Variants in GTF3C3 observed in about 807,000 individuals in gnomAD.
GTF3C3 encodes general transcription factor 3C polypeptide 3.
Under a neutral mutation model 105.2 loss-of-function variants are expected in GTF3C3, and 75 were observed. That is an observed-to-expected ratio of 0.71 (90% confidence interval 0.59 to 0.86). The LOEUF is 0.86. Among genes scored for constraint, GTF3C3 ranks in the 40% least tolerant of loss-of-function variants. The pLI is 0.00. For missense variants in GTF3C3, 856 were observed against 1,076.5 expected (o/e 0.80, Z 2.87); for synonymous variants, 335 against 370.4 (o/e 0.90, Z 1.10).
intron 8 of GTF3C3, among the ~76,000 whole-genome samples, chr2:196,783,803 G>A (rs1423270491): frequency 6.6e-6 from 1 of 152,094 alleles, no homozygotes; most frequent in Non-Finnish European, 1.5e-5. Flanking sequence ...AAAACTGTAT[G>A]CACCTCATTT....
At chr2:196,798,429 TAGG>T (rs2125753919) in intron 1 of GTF3C3, among the ~76,000 whole-genome samples, 1 of 151,610 alleles carries the variant, frequency 6.6e-6, no homozygotes, top group East Asian at 1.9e-4. Flanking sequence ...GAGGCTGAGG[TAGG>T]AGGACTGCTT....
Position 196,791,308 on chromosome 2 carries a change from A to G in GTF3C3, c.535+29T>C, listed in dbSNP as rs370031799. On this transcript the variant is annotated intron_variant, in intron 4 of 17. Coordinates refer to ENST00000263956, the MANE Select transcript of GTF3C3 (RefSeq NM_012086.5). ...TTTTAAGTCAGACTATTAAACTGCT[A>G]TTATTAACAAAGTCCCCACAGAAAA... 1.3e-5 allele frequency: 21 copies of G among 1,611,662 alleles called. No individual in the cohort carries two copies. In the Admixed American group the frequency reaches 3.0e-4, roughly 23 times the overall value.
In GTF3C3 at chr2:196,784,849, A is replaced by G. The variant is rs571471789; in HGVS notation, c.1114+8T>C. 2 of 1,603,854 alleles carry G rather than the reference A, an allele frequency of 1.2e-6. No homozygotes were observed. Among genetic ancestry groups the G allele is most frequent in the Admixed American group, 1.7e-5 (1 of 57,938 alleles). On this transcript the variant is annotated splice_region_variant and intron_variant, in intron 8 of 17. Transcript: ENST00000263956. ...ATATACACTTTCCTAAGCAGAGGAA[A>G]CTACAACCTTTATTCTCTTCTGAGG...
Position 196,764,768 on chromosome 2 carries a change from G to A in GTF3C3, c.2539-83C>T, listed in dbSNP as rs1411237777. ...TTATGGCAAATTAATAGTTTTATAAGTGTAAGTAAGTTTTCAAAAGGTATT... is the reference window on the plus strand; with the variant it reads ...TTATGGCAAATTAATAGTTTTATAAATGTAAGTAAGTTTTCAAAAGGTATT... On this transcript the variant is annotated intron_variant, in intron 17 of 17. Coordinates refer to ENST00000263956, the MANE Select transcript of GTF3C3 (RefSeq NM_012086.5). The A allele has an allele frequency of 8.8e-6, 11 of 1,242,974 alleles. No homozygotes were observed. The East Asian group carries it at 2.1e-4, about 24-fold the overall frequency. The allele number at this position is 1,242,974 out of a possible 1,614,324, so 77.0% of individuals were successfully genotyped here.
At chr2:196,795,412 T>C (rs114123252) in intron 2 of GTF3C3, among the ~76,000 whole-genome samples, 371 of 152,336 alleles carry the variant, frequency 2.4e-3, no homozygotes, top group African/African-American at 8.2e-3. Flanking sequence ...TAATGAAGAA[T>C]AGATTTTAAA....
intron 8 of GTF3C3, 32 bp downstream of exon 8, chr2:196,784,825 T>C (rs748921850): frequency 1.3e-6 from 2 of 1,586,200 alleles, no homozygotes; most frequent in Non-Finnish European, 1.7e-6. Flanking sequence ...GAGAGGATTA[T>C]ATACACTTTC....
At chr2:196,770,260 T>C (rs1699148888) in intron 15 of GTF3C3, among the ~76,000 whole-genome samples, 1 of 152,228 alleles carries the variant, frequency 6.6e-6, no homozygotes, top group Admixed American at 6.5e-5. Flanking sequence ...TATGAGGAAC[T>C]AAATTAACTT....
chr2:196,783,115 G>C (rs1699394255), intron 8 of GTF3C3, among the ~76,000 whole-genome samples: 1 of 151,972 alleles, frequency 6.6e-6, no homozygotes, highest in African/African-American at 2.4e-5. Flanking sequence ...CTAGTCTTCT[G>C]GACATATCTT....
chr2:196,777,446 C>A (rs1016753269), intron 10 of GTF3C3, among the ~76,000 whole-genome samples: 1 of 152,158 alleles, frequency 6.6e-6, no homozygotes, highest in Non-Finnish European at 1.5e-5. Flanking sequence ...TCAATACATG[C>A]GATCATTTGA....
intron 3 of GTF3C3, 136 bp downstream of exon 3, chr2:196,792,820 T>G: frequency 1.5e-6 from 1 of 659,478 alleles, no homozygotes; most frequent in South Asian, 2.0e-5. Context: ...GGAAACATAA[T>G]AAACAAATAA....
At chr2:196,765,343 T>G (rs796311342) in intron 17 of GTF3C3, among the ~76,000 whole-genome samples, 24 of 152,170 alleles carry the variant, frequency 1.6e-4, no homozygotes, top group African/African-American at 5.8e-4. Context: ...CAATTAAAAA[T>G]GATACCTATA....
chr2:196,776,399 A>C lies in GTF3C3; in HGVS notation c.1593+28T>G, dbSNP rs1334828073. On this transcript the variant is annotated intron_variant, in intron 11 of 17. Coordinates refer to ENST00000263956, the MANE Select transcript of GTF3C3 (RefSeq NM_012086.5). This position sits in a 1 kb window ranked among gnomAD's most constrained non-coding sequence, Gnocchi z 4.5. ...GTTCTAAAATATAATATACCAAGAA[A>C]AACTTCCCTCTATGTGACATGGCCC... is the stretch of plus-strand genomic sequence containing the variant. The C allele has an allele frequency of 5.7e-6, 9 of 1,579,180 alleles. No homozygotes were observed. Among genetic ancestry groups the C allele is most frequent in the Non-Finnish European group, 7.8e-6 (9 of 1,151,854 alleles).
At chr2:196,785,689 TCTTAGAATTTGAGAGGAATGTGTATTTC>T in intron 6 of GTF3C3, 101 bp from the exon 7 acceptor site, 1 of 698,214 alleles carries the variant, frequency 1.4e-6, no homozygotes, top group Non-Finnish European at 2.4e-6. Flanking sequence ...ATTTTCATTT[TCTTAGAATTTGAGAGGAATGTGTATTTC>T]CTTAAAATCG....
intron 2 of GTF3C3, among the ~76,000 whole-genome samples, chr2:196,797,257 TTAAA>T (rs1340652973): frequency 6.6e-6 from 1 of 152,134 alleles, no homozygotes; most frequent in Non-Finnish European, 1.5e-5. Flanking sequence ...TACGATGAGT[TTAAA>T]TAGTCTGGGT....
chr2:196,795,165 G>A (rs1425266338), intron 2 of GTF3C3, among the ~76,000 whole-genome samples: 2 of 151,798 alleles, frequency 1.3e-5, no homozygotes, highest in African/African-American at 2.4e-5. Context: ...AGCCTCCCTA[G>A]TAGCTGGGAC....
chr2:196,769,354 C>T (rs1699129405), intron 16 of GTF3C3, among the ~76,000 whole-genome samples: 1 of 152,016 alleles, frequency 6.6e-6, no homozygotes. Flanking sequence ...ATCAAACATA[C>T]AAAAATGAAG....
chr2:196,785,801 A>C (rs1699444682), intron 6 of GTF3C3, among the ~76,000 whole-genome samples: 1 of 152,128 alleles, frequency 6.6e-6, no homozygotes, highest in African/African-American at 2.4e-5. Context: ...CTCACTCTCC[A>C]AATGCTACCT....
intron 2 of GTF3C3, among the ~76,000 whole-genome samples, 158 bp from the exon 3 acceptor site, chr2:196,793,310 A>C (rs1031132696): frequency 6.6e-6 from 1 of 152,218 alleles, no homozygotes; most frequent in Non-Finnish European, 1.5e-5. Context: ...CAAAGAAGAA[A>C]GTTATCACAA....
At position 196,763,239 on chromosome 2, in the gene GTF3C3, T is replaced by C. The variant is rs145972256; in HGVS notation, c.*1324A>G. On this transcript the variant is annotated 3_prime_UTR_variant, in exon 18 of 18. Transcript: ENST00000263956. ...AACAAAACTATACAATATCAGCTGG[T>C]TTTTTTTTCCCTTAGGGAGACTTAT... 1 of 151,304 alleles carries C rather than the reference T, an allele frequency of 6.6e-6. No homozygotes were observed. Among genetic ancestry groups the C allele is most frequent in the South Asian group, 2.1e-4 (1 of 4,760 alleles). The allele number at this position is 151,304 out of a possible 1,614,324, so 9.4% of individuals were successfully genotyped here.
Sources: allele counts gnomAD v4.1 joint callset (sites outside exome capture counted in the v4.1 genomes callset), GRCh38; gene constraint gnomAD v4.1.1; non-coding constraint Gnocchi (gnomAD v3.1); transcripts MANE v1.5; gene names NCBI Gene and HGNC (gene_info 2026-07-23, HGNC 2026-07-21).